The following ARMC9 variants were observed in gnomAD, a reference collection of about 807,000 sequenced individuals.
ARMC9 encodes lisH domain-containing protein ARMC9.
Under a neutral mutation model 107.0 loss-of-function variants are expected in ARMC9, and 94 were observed. That is an observed-to-expected ratio of 0.88 (90% CI 0.74 to 1.04). The LOEUF is 1.04. Among genes scored for constraint, ARMC9 ranks in the 50% least tolerant of loss-of-function variants. The pLI is 0.00. For missense variants in ARMC9, 942 were observed against 1,030.1 expected (o/e 0.91, Z 1.17); for synonymous variants, 380 against 396.9 (o/e 0.96, Z 0.51).
At chr2:231,275,393 A>G (rs945462474) in intron 14 of ARMC9, among the ~76,000 whole-genome samples, 1 of 152,198 alleles carries the variant, frequency 6.6e-6, no homozygotes, top group African/African-American at 2.4e-5. Flanking sequence ...ATGATACCAC[A>G]CTTAGTCTCA....
At chr2:231,331,703 G>T in intron 19 of ARMC9, 90 bp from the exon 20 acceptor site, 1 of 1,171,112 alleles carries the variant, frequency 8.5e-7, no homozygotes, top group East Asian at 2.5e-5. Flanking sequence ...AGGCCTTCTT[G>T]TTTCATGACA....
chr2:231,329,111 G>A (rs890549995), intron 19 of ARMC9, among the ~76,000 whole-genome samples: 15 of 151,696 alleles, frequency 9.9e-5, no homozygotes, highest in East Asian at 7.8e-4. Flanking sequence ...GTGAGCCACC[G>A]CGCCCGGCCA....
At position 231,261,827 on chromosome 2, in the gene ARMC9, C is replaced by CTTT. The variant is rs776868487; in HGVS notation, c.1027-468_1027-466dup. On this transcript the variant is annotated intron_variant, in intron 11 of 24. Coordinates refer to ENST00000611582, the MANE Select transcript of ARMC9 (RefSeq NM_001352754.2). ...GTCACCCATTAGGACATCACAGGTT[C>CTTT]TTTTTTTTTTTTTGAGACCGAGTCT... is the stretch of plus-strand genomic sequence containing the variant. Among the ~76,000 whole-genome samples the CTTT allele has an allele frequency of 4.1e-3, 589 of 145,046 alleles. 8 individuals carry two copies. The highest frequency in any genetic ancestry group is 0.013 in the African/African-American group (525 of 39,816).
intron 19 of ARMC9, among the ~76,000 whole-genome samples, chr2:231,298,822 T>C (rs759224715): frequency 6.6e-6 from 1 of 152,036 alleles, no homozygotes; most frequent in Non-Finnish European, 1.5e-5. Context: ...TAATCCCAGC[T>C]ACTAGGGAAG....
In ARMC9 at chr2:231,220,828, A is replaced by C. The variant is rs537038054; in HGVS notation, c.505-1900A>C. Among the ~76,000 whole-genome samples, 4 of 152,388 alleles carry C rather than the reference A, an allele frequency of 2.6e-5. No homozygotes were observed. In the South Asian group the frequency reaches 8.3e-4, roughly 32 times the overall value. On this transcript the variant is annotated intron_variant, in intron 5 of 24. Transcript: ENST00000611582. Reference sequence around the variant, plus strand: ...CCCTGTCATTAGCAGAGCATCATAAAGTAAGTAATTACATTGAAAACACAT... The same window carrying C: ...CCCTGTCATTAGCAGAGCATCATAACGTAAGTAATTACATTGAAAACACAT...
chr2:231,274,618 C>G (rs1486881081), intron 14 of ARMC9, among the ~76,000 whole-genome samples: 25 of 152,138 alleles, frequency 1.6e-4, no homozygotes, highest in South Asian at 4.1e-4. Context: ...TCATGATCAC[C>G]TCAAGTTCTC....
rs896499642 is a variant in ARMC9 at position 231,369,967 on chromosome 2, C to T, written c.2276C>T (p.Ala759Val). 6.6e-6 allele frequency: 10 copies of T among 1,521,578 alleles called. No individual in the cohort carries two copies. Among genetic ancestry groups the T allele is most frequent in the Non-Finnish European group, 8.8e-6 (10 of 1,138,388 alleles). 94.3% of individuals were successfully genotyped at this position (1,521,578 alleles called of 1,614,324 possible). ...NGVTTRECAS[A>V]FTCKPRAPCT... ...TTTTGTTCTAGGGAATGTGCATCAGCCTTCACCTGCAAGCCCCGGGCCCCC... is the reference window on the plus strand; with the variant it reads ...TTTTGTTCTAGGGAATGTGCATCAGTCTTCACCTGCAAGCCCCGGGCCCCC... The change falls in exon 24 of 25, where the codon GCC becomes GTC. Residue 759 changes from alanine (A) to valine (V), a missense_variant. Physicochemically the swap from Ala to Val is moderately conservative, Grantham distance 64. Coordinates refer to ENST00000611582, the MANE Select transcript of ARMC9 (RefSeq NM_001352754.2).
At chr2:231,370,882 G>T (rs1410865600) in intron 24 of ARMC9, among the ~76,000 whole-genome samples, 3 of 152,260 alleles carry the variant, frequency 2.0e-5, no homozygotes, top group Non-Finnish European at 4.4e-5. Flanking sequence ...GTCCCGCTTA[G>T]GATATGCGCA....
intron 19 of ARMC9, among the ~76,000 whole-genome samples, chr2:231,315,444 C>T (rs2042614069): frequency 6.6e-6 from 1 of 152,072 alleles, no homozygotes; most frequent in Non-Finnish European, 1.5e-5. Context: ...GAGGCTGAGG[C>T]AGGAGAGCTG....
chr2:231,278,668 C>T (rs1429403674), intron 16 of ARMC9, among the ~76,000 whole-genome samples: 1 of 152,212 alleles, frequency 6.6e-6, no homozygotes, highest in Non-Finnish European at 1.5e-5. Context: ...TTCTTTCCGT[C>T]CCTGTCTGCT....
chr2:231,301,765 G>A (rs1156347019), intron 19 of ARMC9, among the ~76,000 whole-genome samples: 2 of 151,972 alleles, frequency 1.3e-5, no homozygotes, highest in African/African-American at 2.4e-5. Flanking sequence ...CATCACCTGA[G>A]GCCAGGAGTT....
chr2:231,208,832 G>A (rs974780309), intron 3 of ARMC9, among the ~76,000 whole-genome samples: 4 of 152,160 alleles, frequency 2.6e-5, no homozygotes, highest in Non-Finnish European at 4.4e-5. Context: ...ACTTTGGGAG[G>A]CTGAGGCAGG....
intron 12 of ARMC9, among the ~76,000 whole-genome samples, chr2:231,267,064 T>C (rs896211804): frequency 5.9e-5 from 9 of 152,196 alleles, no homozygotes; most frequent in African/African-American, 2.2e-4. Flanking sequence ...TAGGAGAAGA[T>C]GGCATAAACC....
chr2:231,206,698 A>G (rs2032050562), intron 2 of ARMC9, among the ~76,000 whole-genome samples: 1 of 152,238 alleles, frequency 6.6e-6, no homozygotes, highest in African/African-American at 2.4e-5. Context: ...ACATCTGCCT[A>G]TGATCGGCCC....
At chr2:231,263,520 A>T (rs1253040568) in intron 12 of ARMC9, among the ~76,000 whole-genome samples, 4 of 152,220 alleles carry the variant, frequency 2.6e-5, no homozygotes, top group Non-Finnish European at 4.4e-5. Flanking sequence ...TAATGGCATT[A>T]ATCCATTAAT....
At chr2:231,279,596 C>A (rs1170932222) in intron 16 of ARMC9, among the ~76,000 whole-genome samples, 1 of 150,572 alleles carries the variant, frequency 6.6e-6, no homozygotes, top group Non-Finnish European at 1.5e-5. Context: ...CTGCAACCTC[C>A]ACCTCCCGGG....
At chr2:231,320,066 T>C (rs1184741575) in intron 19 of ARMC9, among the ~76,000 whole-genome samples, 1 of 152,232 alleles carries the variant, frequency 6.6e-6, no homozygotes, top group African/African-American at 2.4e-5. Context: ...GCTTTTTTCA[T>C]TCAACATTAT....
rs1192060150 is a variant in ARMC9 at position 231,360,285 on chromosome 2, G to T, written c.2132-469G>T. On this transcript the variant is annotated intron_variant, in intron 22 of 24. Transcript: ENST00000611582. The surrounding 1 kb of genome is among the most constrained non-coding windows in gnomAD (Gnocchi z 4.7). ...CTGGCCACCCTGGGTGTACCGAGTG[G>T]TTCAGCATTAAGGAGCCTTGGGCTG... Among the ~76,000 whole-genome samples, 1 of 152,184 alleles carries T rather than the reference G, an allele frequency of 6.6e-6. No individual in the cohort carries two copies. The highest frequency in any genetic ancestry group is 1.5e-5 in the Non-Finnish European group (1 of 68,022).
intron 7 of ARMC9, among the ~76,000 whole-genome samples, chr2:231,229,937 G>A (rs145812347): frequency 6.6e-6 from 1 of 152,266 alleles, no homozygotes; most frequent in Non-Finnish European, 1.5e-5. Context: ...CTTGAGTGGC[G>A]GGGGAGAGAT....
Sources: allele counts gnomAD v4.1 joint callset (sites outside exome capture counted in the v4.1 genomes callset), GRCh38; gene constraint gnomAD v4.1.1; non-coding constraint Gnocchi (gnomAD v3.1); transcripts MANE v1.5; gene names NCBI Gene and HGNC (gene_info 2026-07-23, HGNC 2026-07-21).